The following CAMK2D variants were observed in gnomAD, a reference collection of about 807,000 sequenced individuals.
The protein encoded by CAMK2D is calcium/calmodulin-dependent protein kinase type II subunit delta.
Under a neutral mutation model 84.0 loss-of-function variants are expected in CAMK2D, and 37 were observed. The ratio of observed to expected loss-of-function variants is 0.44; its 90% CI spans 0.34 to 0.58. CAMK2D has a LOEUF of 0.58. CAMK2D is among the 20% of genes least tolerant of loss of function. The pLI is 0.02. For synonymous variants in CAMK2D, 202 were observed against 212.5 expected (o/e 0.95, Z 0.43); for missense variants, 448 against 652.5 (o/e 0.69, Z 3.41).
At chr4:113,652,183 C>T (rs1189373250) in intron 3 of CAMK2D, among the ~76,000 whole-genome samples, 4 of 152,224 alleles carry the variant, frequency 2.6e-5, no homozygotes, top group Admixed American at 2.6e-4. Flanking sequence ...CATTTACTAA[C>T]TGCCTGATCT....
chr4:113,552,927 A>G (rs1354034348), intron 4 of CAMK2D, among the ~76,000 whole-genome samples: 1 of 152,224 alleles, frequency 6.6e-6, no homozygotes, highest in Non-Finnish European at 1.5e-5. Flanking sequence ...ATTAATAAAT[A>G]CAGAACACCT....
intron 12 of CAMK2D, among the ~76,000 whole-genome samples, chr4:113,511,452 G>A (rs774900224): frequency 2.6e-5 from 4 of 152,052 alleles, no homozygotes; most frequent in Non-Finnish European, 5.9e-5. Context: ...ATTAATAAAG[G>A]CCCAATTTAT....
chr4:113,563,294 C>T (rs1419458028), intron 4 of CAMK2D, among the ~76,000 whole-genome samples: 1 of 152,108 alleles, frequency 6.6e-6, no homozygotes, highest in Non-Finnish European at 1.5e-5. Context: ...TTCTTACACA[C>T]ATAATAAACA....
chr4:113,757,753 G>C (rs1204108204), intron 2 of CAMK2D, among the ~76,000 whole-genome samples: 3 of 152,150 alleles, frequency 2.0e-5, no homozygotes, highest in Non-Finnish European at 4.4e-5. Context: ...AAGGAGAAAA[G>C]ATTCCATCAG....
chr4:113,528,902 C>G (rs2098439568), intron 8 of CAMK2D, among the ~76,000 whole-genome samples: 1 of 152,100 alleles, frequency 6.6e-6, no homozygotes, highest in African/African-American at 2.4e-5. Flanking sequence ...TGACAATGCT[C>G]TAATTCAAGG....
In CAMK2D at chr4:113,461,964, T is replaced by TG. The variant is rs981681954; in HGVS notation, c.1212-1724dup. On this transcript the variant is annotated intron_variant, in intron 17 of 20. Transcript: ENST00000511664. ...GATATCCTTTGTGCCTTAAAGATGA[T>TG]GGGGGCAAGGATTACAGTAACCTTC... Among the ~76,000 whole-genome samples the TG allele has an allele frequency of 2.0e-5, 3 of 152,204 alleles. 1 individual carries two copies. The highest frequency in any genetic ancestry group is 7.2e-5 in the African/African-American group (3 of 41,472).
At chr4:113,516,673 T>C (rs907878575) in intron 9 of CAMK2D, among the ~76,000 whole-genome samples, 2 of 152,210 alleles carry the variant, frequency 1.3e-5, no homozygotes, top group Non-Finnish European at 1.5e-5. Flanking sequence ...CGAGACATTA[T>C]AGAATATAAT....
intron 2 of CAMK2D, among the ~76,000 whole-genome samples, chr4:113,708,925 T>G (rs1381294481): frequency 1.3e-5 from 2 of 152,156 alleles, no homozygotes; most frequent in Admixed American, 6.6e-5. Context: ...TTTCACCATG[T>G]TGGCCAGGCT....
At chr4:113,662,326 T>A (rs2154314570) in intron 2 of CAMK2D, among the ~76,000 whole-genome samples, 1 of 152,352 alleles carries the variant, frequency 6.6e-6, no homozygotes, top group Non-Finnish European at 1.5e-5. Flanking sequence ...TGCTTGCTCA[T>A]CTTTACCTTT....
intron 2 of CAMK2D, among the ~76,000 whole-genome samples, chr4:113,700,567 TAAAA>T (rs1206659757): frequency 1.3e-5 from 2 of 151,748 alleles, no homozygotes; most frequent in African/African-American, 2.4e-5. Context: ...ACAACAAAAA[TAAAA>T]AAACACTTTC....
intron 7 of CAMK2D, among the ~76,000 whole-genome samples, chr4:113,531,928 A>T (rs745759188): frequency 4.1e-4 from 62 of 152,208 alleles, no homozygotes; most frequent in Non-Finnish European, 5.9e-4. Flanking sequence ...CTAGAGTAAA[A>T]TATTTATTTC....
chr4:113,761,461 C>A lies in CAMK2D; in HGVS notation c.-393G>T. On this transcript the variant is annotated 5_prime_UTR_variant, in exon 1 of 21. Coordinates refer to ENST00000511664, the MANE Select transcript of CAMK2D (RefSeq NM_001321571.2). The stretch of plus-strand genomic sequence containing the variant: ...GCAAGCAGTTGCGAAACGATCCGCA[C>A]TGGAGCAGGAGGAGTAGAAGCAGAG... The A allele has an allele frequency of 8.7e-7, 1 of 1,146,418 alleles. No homozygotes were observed. Among genetic ancestry groups the A allele is most frequent in the Non-Finnish European group, 1.1e-6 (1 of 922,096 alleles). The allele number at this position is 1,146,418 out of a possible 1,614,324, so 71.0% of individuals were successfully genotyped here. A position where few individuals can be genotyped will look rare whatever the true frequency, so the allele number is the denominator to read the frequency against.
intron 2 of CAMK2D, chr4:113,759,113 A>G (rs914191121): frequency 9.1e-6 from 3 of 328,728 alleles, no homozygotes; most frequent in Non-Finnish European, 1.6e-5. Flanking sequence ...TTTTAATAGC[A>G]ATGTATCAAA....
At chr4:113,703,984 A>C (rs1311088052) in intron 2 of CAMK2D, among the ~76,000 whole-genome samples, 1 of 149,864 alleles carries the variant, frequency 6.7e-6, no homozygotes, top group Admixed American at 6.7e-5. Context: ...GGCTTCTTAA[A>C]TCTCAAATAC....
chr4:113,563,428 C>CT (rs1206288051), intron 4 of CAMK2D, among the ~76,000 whole-genome samples: 1 of 152,078 alleles, frequency 6.6e-6, no homozygotes, highest in Non-Finnish European at 1.5e-5. Flanking sequence ...CTTTCTTTCA[C>CT]TTTGTCTCTC....
intron 3 of CAMK2D, among the ~76,000 whole-genome samples, chr4:113,647,852 A>G (rs1055716776): frequency 2.8e-4 from 43 of 152,358 alleles, no homozygotes; most frequent in Non-Finnish European, 5.6e-4. Context: ...AAGAAATATC[A>G]AAAGAAAAGG....
At chr4:113,539,792 A>G (rs1478037610) in intron 6 of CAMK2D, among the ~76,000 whole-genome samples, 1 of 152,002 alleles carries the variant, frequency 6.6e-6, no homozygotes, top group Non-Finnish European at 1.5e-5. Flanking sequence ...AGAGACTAAC[A>G]TGATTTCATG....
intron 4 of CAMK2D, among the ~76,000 whole-genome samples, chr4:113,560,231 AT>A (rs60828884): frequency 0.016 from 2,296 of 143,762 alleles, 24 homozygotes; most frequent in Middle Eastern, 0.033. Flanking sequence ...TTCTCACAGC[AT>A]TTTTTTTTTT....
At chr4:113,578,566 G>T (rs183786621) in intron 4 of CAMK2D, among the ~76,000 whole-genome samples, 4 of 152,160 alleles carry the variant, frequency 2.6e-5, no homozygotes, top group African/African-American at 9.7e-5. Context: ...AGTTTTGCTC[G>T]TTTGGTAGGT....
Sources: gnomAD v4.1 joint callset for allele counts (sites outside exome capture counted in the v4.1 genomes callset) on GRCh38, gnomAD v4.1.1 for gene constraint, MANE v1.5 for transcripts, NCBI Gene and HGNC (gene_info 2026-07-23, HGNC 2026-07-21) for gene names.